The following JAK1 variants were observed in gnomAD, a reference collection of about 807,000 sequenced individuals.
JAK1 encodes the protein tyrosine-protein kinase JAK1.
Under a neutral mutation model 136.6 loss-of-function variants are expected in JAK1, and 16 were observed. The observed-to-expected ratio is 0.12, with a 90% CI of 0.08 to 0.18. The LOEUF (loss-of-function observed/expected upper bound fraction) is 0.18. Among genes scored for constraint, JAK1 ranks in the 10% least tolerant of loss-of-function variants. The pLI is 1.00. For missense variants in JAK1, 859 were observed against 1,450.1 expected (o/e 0.59, Z 6.62); for synonymous variants, 492 against 519.5 (o/e 0.95, Z 0.72).
intron 1 of JAK1, among the ~76,000 whole-genome samples, chr1:64,942,646 C>T (rs1645911225): frequency 6.6e-6 from 1 of 152,190 alleles, no homozygotes; most frequent in Non-Finnish European, 1.5e-5. Context: ...AACAATTTAG[C>T]ATGTTCTATC....
At chr1:64,987,462 TC>T (rs1646610684) in intron 2 of JAK1, 1 of 152,226 alleles carries the variant, frequency 6.6e-6, no homozygotes, top group Admixed American at 6.5e-5. Context: ...AGTCATTGCT[TC>T]ACAAGCTTCT....
intron 7 of JAK1, among the ~76,000 whole-genome samples, chr1:64,865,368 A>C (rs1438382632): frequency 6.6e-6 from 1 of 152,202 alleles, no homozygotes; most frequent in Non-Finnish European, 1.5e-5. Flanking sequence ...GCTGAACATG[A>C]GCTTTCTCCT....
intron 1 of JAK1, among the ~76,000 whole-genome samples, chr1:64,898,461 T>C (rs1352191338): frequency 2.6e-5 from 4 of 152,198 alleles, no homozygotes; most frequent in Non-Finnish European, 4.4e-5. Context: ...GGATAACTGA[T>C]AAAATTAAGG....
At chr1:64,979,998 C>T (rs1054688639) in intron 2 of JAK1, 2 of 151,978 alleles carry the variant, frequency 1.3e-5, no homozygotes, top group African/African-American at 4.8e-5. Flanking sequence ...TTAGGTACCA[C>T]GACAGCAGAA....
intron 1 of JAK1, among the ~76,000 whole-genome samples, chr1:65,064,904 G>C (rs1446919644): frequency 1.3e-5 from 2 of 152,130 alleles, no homozygotes; most frequent in Non-Finnish European, 2.9e-5. Context: ...TTCAATAAAT[G>C]AATCTTGAAC....
At chr1:64,983,300 A>G (rs1311617725) in intron 2 of JAK1, among the ~76,000 whole-genome samples, 1 of 152,162 alleles carries the variant, frequency 6.6e-6, no homozygotes, top group African/African-American at 2.4e-5. Context: ...GAAAGATTCA[A>G]TCCCCCTAAG....
At chr1:65,064,441 G>T (rs1014101845) in intron 1 of JAK1, among the ~76,000 whole-genome samples, 1 of 152,190 alleles carries the variant, frequency 6.6e-6, no homozygotes, top group South Asian at 2.1e-4. Flanking sequence ...ATTATACCAA[G>T]TATTTTCTGC....
intron 1 of JAK1, among the ~76,000 whole-genome samples, chr1:65,046,504 T>G (rs74080265): frequency 0.014 from 1,864 of 132,980 alleles, 32 homozygotes; most frequent in African/African-American, 0.052. Context: ...CAGACCAACG[T>G]TTGGAAGTTA....
At chr1:65,025,767 T>C (rs1047042640) in intron 2 of JAK1, among the ~76,000 whole-genome samples, 1 of 152,142 alleles carries the variant, frequency 6.6e-6, no homozygotes, top group Non-Finnish European at 1.5e-5. Context: ...AGCCTCGACC[T>C]CCTAGGCTCA....
chr1:64,837,569 T>C (rs1001109067), intron 22 of JAK1, among the ~76,000 whole-genome samples: 2 of 152,220 alleles, frequency 1.3e-5, no homozygotes, highest in Non-Finnish European at 2.9e-5. Context: ...AGCCTCCCTC[T>C]GCAGGAATGT....
intron 2 of JAK1, chr1:64,991,685 G>A (rs751720741): frequency 2.0e-5 from 3 of 152,112 alleles, no homozygotes; most frequent in Non-Finnish European, 4.4e-5. Flanking sequence ...GTATCTCTAC[G>A]ACCAAAGAAT....
intron 2 of JAK1, among the ~76,000 whole-genome samples, chr1:65,035,839 C>A (rs182898343): frequency 6.0e-4 from 92 of 152,122 alleles, no homozygotes; most frequent in African/African-American, 1.9e-3. Context: ...GAGGCCGAGG[C>A]GGGCGGATCA....
At chr1:64,907,765 G>A (rs1202302246) in intron 1 of JAK1, among the ~76,000 whole-genome samples, 1 of 152,126 alleles carries the variant, frequency 6.6e-6, no homozygotes, top group Non-Finnish European at 1.5e-5. Flanking sequence ...TATAGGTGGA[G>A]CCCCTGAAAG....
chr1:64,965,626 C>G (rs925804025), intron 1 of JAK1, among the ~76,000 whole-genome samples: 1 of 152,154 alleles, frequency 6.6e-6, no homozygotes, highest in Non-Finnish European at 1.5e-5. Context: ...TTCGGTTAAT[C>G]AGTCCCTTTC....
chr1:64,916,716 T>C (rs531559839), intron 1 of JAK1, among the ~76,000 whole-genome samples: 33 of 152,004 alleles, frequency 2.2e-4, no homozygotes, highest in African/African-American at 7.2e-4. Flanking sequence ...CATGCATCTG[T>C]AGTCCCAGCT....
chr1:64,842,517 G>C (rs1654970244), intron 17 of JAK1, among the ~76,000 whole-genome samples: 1 of 152,150 alleles, frequency 6.6e-6, no homozygotes, highest in African/African-American at 2.4e-5. Context: ...GAATTAAGGA[G>C]CTGAGAATTG....
intron 8 of JAK1, among the ~76,000 whole-genome samples, chr1:64,860,929 CGTGTGTGTGTGT>C (rs577274261): frequency 7.8e-4 from 38 of 48,516 alleles, no homozygotes; most frequent in South Asian, 7.7e-3. Flanking sequence ...CCCCTGGGTC[CGTGTGTGTGTGT>C]GTGTGTGTGT....
At chr1:64,909,985 T>C (rs974821560) in intron 1 of JAK1, among the ~76,000 whole-genome samples, 1 of 152,192 alleles carries the variant, frequency 6.6e-6, no homozygotes, top group Non-Finnish European at 1.5e-5. Flanking sequence ...ACCTCCTCAG[T>C]GGGATGGTAG....
chr1:64,861,402 T>G (rs1052162867), intron 8 of JAK1, among the ~76,000 whole-genome samples: 4 of 151,878 alleles, frequency 2.6e-5, no homozygotes, highest in Admixed American at 2.6e-4. Context: ...TCAAGGAAGG[T>G]GTTCTGAAAG....
Sources: allele counts gnomAD v4.1 joint callset (sites outside exome capture counted in the v4.1 genomes callset), GRCh38; gene constraint gnomAD v4.1.1; transcripts MANE v1.5; gene names NCBI Gene and HGNC (gene_info 2026-07-23, HGNC 2026-07-21).